The following PTPRT variants were observed in gnomAD, a reference collection of about 807,000 sequenced individuals.
PTPRT encodes the protein protein tyrosine phosphatase receptor type T.
Under a neutral mutation model 176.8 loss-of-function variants are expected in PTPRT, and 56 were observed. That is an observed-to-expected ratio of 0.32 (90% CI 0.26 to 0.40). The LOEUF (loss-of-function observed/expected upper bound fraction) is 0.40, where lower values mean the gene tolerates loss of function less well. Among genes scored for constraint, PTPRT ranks in the 10% least tolerant of loss-of-function variants. The pLI is 1.00. For missense variants in PTPRT, 1,540 were observed against 1,908.2 expected, an observed-to-expected ratio of 0.81 and a Z score of 3.60; for synonymous variants, 783 against 739.0, an observed-to-expected ratio of 1.06 and a Z score of -0.96.
At chr20:43,035,611 C>T (rs1300542140) in intron 1 of PTPRT, among the ~76,000 whole-genome samples, 1 of 152,106 alleles carries the variant, frequency 6.6e-6, no homozygotes, top group African/African-American at 2.4e-5. Flanking sequence ...TAATCCTTTG[C>T]GGAAGGAAGA....
At chr20:42,307,186 C>T (rs2057556063) in intron 12 of PTPRT, among the ~76,000 whole-genome samples, 1 of 152,166 alleles carries the variant, frequency 6.6e-6, no homozygotes. Flanking sequence ...TTAAGTGTGG[C>T]CATGTGGTTA....
At chr20:42,980,296 G>A (rs1254448553) in intron 1 of PTPRT, among the ~76,000 whole-genome samples, 3 of 152,176 alleles carry the variant, frequency 2.0e-5, no homozygotes, top group African/African-American at 7.2e-5. Flanking sequence ...ATTGGGAATT[G>A]GGAGCCTGGG....
chr20:42,667,824 G>T (rs1191451891), intron 7 of PTPRT, among the ~76,000 whole-genome samples: 1 of 152,214 alleles, frequency 6.6e-6, no homozygotes, highest in Non-Finnish European at 1.5e-5. Context: ...CAGGCAGAAA[G>T]CAGAGGCTTT....
chr20:43,064,144 G>A lies in PTPRT; in HGVS notation c.88+125502C>T, dbSNP rs564698666. Among the ~76,000 whole-genome samples, 3 of 152,158 alleles carry A rather than the reference G, an allele frequency of 2.0e-5. No individual in the cohort carries two copies. In the East Asian group the frequency reaches 5.8e-4, roughly 29 times the overall value. ...ACCACATTTCCCAGGATCCCTTGCA[G>A]TTAATTCCTAAATTTACAACTGAAT... On this transcript the variant is annotated intron_variant, in intron 1 of 30. Transcript: ENST00000373187.
intron 11 of PTPRT, among the ~76,000 whole-genome samples, chr20:42,345,618 G>GTGTGTGTA (rs1491310287): frequency 2.6e-4 from 27 of 105,646 alleles, no homozygotes; most frequent in African/African-American, 9.0e-4. Flanking sequence ...GTGTGTGTGT[G>GTGTGTGTA]TATATATATG....
At chr20:42,505,260 C>A (rs904429130) in intron 7 of PTPRT, among the ~76,000 whole-genome samples, 4 of 152,070 alleles carry the variant, frequency 2.6e-5, no homozygotes, top group African/African-American at 9.7e-5. Context: ...CCTCCACCAA[C>A]CCTCTGGACC....
At chr20:42,732,635 G>A (rs894273262) in intron 6 of PTPRT, among the ~76,000 whole-genome samples, 12 of 152,150 alleles carry the variant, frequency 7.9e-5, no homozygotes, top group South Asian at 4.1e-4. Context: ...ATGAAAGATC[G>A]TGCTGTTTCA....
rs1015466729 is a variant in PTPRT, at chr20:42,142,094, C to T, written c.2683-92G>A. The stretch of plus-strand genomic sequence containing the variant: ...CAACAGGGCAAAGTAAGACCCACTG[C>T]GATGGGACTCCTAGTGGAAAGGGAT... On this transcript the variant is annotated intron_variant, in intron 17 of 30. Transcript: ENST00000373187. 1.7e-5 allele frequency: 17 copies of T among 1,000,582 alleles called. No homozygotes were observed. The East Asian group carries it at 2.4e-4, about 14-fold the overall frequency. 62.0% of individuals were successfully genotyped at this position (1,000,582 alleles called of 1,614,324 possible).
chr20:42,688,302 T>C (rs994030576), intron 6 of PTPRT: 4 of 152,236 alleles, frequency 2.6e-5, no homozygotes, highest in East Asian at 1.9e-4. Context: ...AAGGAACTAA[T>C]ATAACCTAGG....
chr20:42,305,762 G>A (rs1348185073), intron 12 of PTPRT, among the ~76,000 whole-genome samples: 11 of 152,156 alleles, frequency 7.2e-5, no homozygotes, highest in Admixed American at 6.6e-4. Flanking sequence ...TTGACAGAGG[G>A]GAAACTGAGG....
intron 15 of PTPRT, among the ~76,000 whole-genome samples, chr20:42,204,108 G>A (rs113354401): frequency 2.0e-5 from 3 of 152,286 alleles, no homozygotes; most frequent in African/African-American, 7.2e-5. Flanking sequence ...GTAGATACGT[G>A]CAAAGAAAGA....
At chr20:43,095,515 G>C (rs2012097485) in intron 1 of PTPRT, among the ~76,000 whole-genome samples, 1 of 151,902 alleles carries the variant, frequency 6.6e-6, no homozygotes, top group Non-Finnish European at 1.5e-5. Context: ...TGTCTGCATG[G>C]CTCCCCACCC....
intron 2 of PTPRT, among the ~76,000 whole-genome samples, chr20:42,856,310 C>T (rs369819629): frequency 9.2e-5 from 14 of 152,210 alleles, no homozygotes; most frequent in African/African-American, 1.9e-4. Flanking sequence ...GATCAAATAA[C>T]ACCATCAGGT....
chr20:42,535,838 C>G (rs1224177287), intron 7 of PTPRT, among the ~76,000 whole-genome samples: 5 of 152,068 alleles, frequency 3.3e-5, no homozygotes, highest in Non-Finnish European at 7.4e-5. Context: ...AGTTGCAGAT[C>G]CATAGCCTAT....
chr20:42,532,896 C>G (rs970374853), intron 7 of PTPRT, among the ~76,000 whole-genome samples: 1 of 152,112 alleles, frequency 6.6e-6, no homozygotes, highest in Non-Finnish European at 1.5e-5. Context: ...TCTACACCCC[C>G]AATAAAGATG....
intron 2 of PTPRT, among the ~76,000 whole-genome samples, chr20:42,819,520 C>A (rs2077852549): frequency 6.6e-6 from 1 of 152,094 alleles, no homozygotes; most frequent in Non-Finnish European, 1.5e-5. Flanking sequence ...CAAATAGCAT[C>A]ATGATGACAG....
At chr20:42,441,509 T>C (rs1377115986) in intron 9 of PTPRT, among the ~76,000 whole-genome samples, 1 of 152,142 alleles carries the variant, frequency 6.6e-6, no homozygotes, top group Non-Finnish European at 1.5e-5. Context: ...GAAGTTAAGA[T>C]GAAGCCAAAG....
chr20:42,204,081 T>A (rs966284372), intron 15 of PTPRT, among the ~76,000 whole-genome samples: 1 of 152,066 alleles, frequency 6.6e-6, no homozygotes, highest in South Asian at 2.1e-4. Flanking sequence ...TGAACACAAA[T>A]TACAACCACT....
At chr20:42,383,431 A>G (rs1273516556) in intron 9 of PTPRT, among the ~76,000 whole-genome samples, 1 of 146,724 alleles carries the variant, frequency 6.8e-6, no homozygotes, top group Non-Finnish European at 1.5e-5. Context: ...AAAAAAAAAA[A>G]CAACTATTTG....
Sources: allele counts gnomAD v4.1 joint callset (sites outside exome capture counted in the v4.1 genomes callset), GRCh38; gene constraint gnomAD v4.1.1; transcripts MANE v1.5; gene names NCBI Gene and HGNC (gene_info 2026-07-23, HGNC 2026-07-21).